Variants in EHBP1 observed in about 807,000 individuals in gnomAD.
EHBP1 encodes the protein EH domain-binding protein 1.
Under a neutral mutation model 144.0 loss-of-function variants are expected in EHBP1, and 55 were observed. That is an observed-to-expected ratio of 0.38 (90% CI 0.31 to 0.48). EHBP1 has a LOEUF of 0.48. EHBP1 is among the 20% of genes least tolerant of loss of function. The probability of loss-of-function intolerance (pLI) is 0.98; values close to 1 mark genes in which losing one functional copy is unlikely to be tolerated. For missense variants in EHBP1, 1,200 were observed against 1,364.2 expected, an observed-to-expected ratio of 0.88 and a Z score of 1.90; for synonymous variants, 469 against 472.7, an observed-to-expected ratio of 0.99 and a Z score of 0.10.
chr2:62,925,054 T>G (rs1397032658), intron 10 of EHBP1, among the ~76,000 whole-genome samples: 1 of 152,200 alleles, frequency 6.6e-6, no homozygotes, highest in Non-Finnish European at 1.5e-5. Flanking sequence ...AATGGTTCAG[T>G]ATACACAAGT....
At chr2:63,003,159 T>A (rs2153229612) in intron 19 of EHBP1, among the ~76,000 whole-genome samples, 1 of 152,174 alleles carries the variant, frequency 6.6e-6, no homozygotes, top group South Asian at 2.1e-4. Context: ...GTAGGTATTA[T>A]CAGATAATGA....
At chr2:62,975,976 G>C (rs1574318675) in intron 14 of EHBP1, among the ~76,000 whole-genome samples, 1 of 149,840 alleles carries the variant, frequency 6.7e-6, no homozygotes, top group African/African-American at 2.5e-5. Context: ...AGAATATTTT[G>C]TTACTCCAAA....
intron 1 of EHBP1, among the ~76,000 whole-genome samples, chr2:62,696,047 G>C (rs1004714345): frequency 1.3e-5 from 2 of 151,744 alleles, no homozygotes; most frequent in African/African-American, 2.4e-5. Flanking sequence ...AAAATACAAA[G>C]GAAATTAAAA....
At position 63,046,334 on chromosome 2, in the gene EHBP1, A is replaced by AAAG. The variant is rs2061953076; in HGVS notation, c.*835_*837dup. On this transcript the variant is annotated 3_prime_UTR_variant, in exon 23 of 23. Transcript: ENST00000431489. ...GTTAATATTTATTCTGTATTGATAAAAAGTCTGTCTTGCCACTACAAGTAA... is the reference window on the plus strand; with the variant it reads ...GTTAATATTTATTCTGTATTGATAAAAAGAAGTCTGTCTTGCCACTACAAGTAA... 1 of 152,664 alleles carries AAAG rather than the reference A, an allele frequency of 6.6e-6. No homozygotes were observed. The highest frequency in any genetic ancestry group is 1.5e-5 in the Non-Finnish European group (1 of 68,048). 9.5% of individuals were successfully genotyped at this position (152,664 alleles called of 1,614,324 possible).
At chr2:62,883,333 A>G (rs2051633883) in intron 10 of EHBP1, among the ~76,000 whole-genome samples, 1 of 152,198 alleles carries the variant, frequency 6.6e-6, no homozygotes, top group Admixed American at 6.5e-5. Flanking sequence ...CTATTTTTAC[A>G]TTATTTTGAA....
intron 7 of EHBP1, among the ~76,000 whole-genome samples, chr2:62,832,175 T>A (rs1161543401): frequency 6.6e-6 from 1 of 152,232 alleles, no homozygotes. Context: ...TTTTACCATG[T>A]GCTTTGTTTA....
chr2:62,747,181 A>G (rs1489470875), intron 2 of EHBP1, among the ~76,000 whole-genome samples: 2 of 152,050 alleles, frequency 1.3e-5, no homozygotes, highest in African/African-American at 2.4e-5. Flanking sequence ...TTAACTTGCT[A>G]AAGTATTGTT....
At chr2:62,956,746 T>C (rs1474046921) in intron 14 of EHBP1, among the ~76,000 whole-genome samples, 3 of 151,438 alleles carry the variant, frequency 2.0e-5, no homozygotes, top group Non-Finnish European at 4.4e-5. Context: ...AACCATCTTA[T>C]TAGGTTAATA....
At chr2:62,835,734 T>G (rs1371930105) in intron 7 of EHBP1, among the ~76,000 whole-genome samples, 2 of 152,140 alleles carry the variant, frequency 1.3e-5, no homozygotes, top group African/African-American at 2.4e-5. Context: ...GGGTGACGGA[T>G]GCACCTGGAA....
At chr2:62,787,076 T>A (rs1202422577) in intron 5 of EHBP1, among the ~76,000 whole-genome samples, 2 of 152,144 alleles carry the variant, frequency 1.3e-5, no homozygotes, top group African/African-American at 4.8e-5. Flanking sequence ...CAATAGGAAA[T>A]GAATCTGACA....
chr2:62,955,334 A>G (rs572407265), intron 13 of EHBP1, among the ~76,000 whole-genome samples, 183 bp from the exon 14 acceptor site: 2 of 152,304 alleles, frequency 1.3e-5, no homozygotes, highest in South Asian at 2.1e-4. Context: ...CCTCATGTCA[A>G]GATTTATATA....
At chr2:62,748,356 TTAAAAAA>T (rs2039350816) in intron 3 of EHBP1, among the ~76,000 whole-genome samples, 1 of 152,010 alleles carries the variant, frequency 6.6e-6, no homozygotes, top group Non-Finnish European at 1.5e-5. Flanking sequence ...CTACAGATAT[TTAAAAAA>T]TTCTATCCTG....
intron 1 of EHBP1, among the ~76,000 whole-genome samples, chr2:62,685,687 C>T (rs1205749656): frequency 1.3e-5 from 2 of 152,114 alleles, no homozygotes; most frequent in Non-Finnish European, 2.9e-5. Flanking sequence ...CACATCAGTC[C>T]ATAATATCTG....
intron 19 of EHBP1, among the ~76,000 whole-genome samples, chr2:63,036,597 A>C (rs955497779): frequency 6.6e-6 from 1 of 151,998 alleles, no homozygotes; most frequent in African/African-American, 2.4e-5. Context: ...CAAAACAATA[A>C]ACCAGTCATG....
intron 21 of EHBP1, among the ~76,000 whole-genome samples, chr2:63,040,150 A>G (rs2061598722): frequency 6.7e-6 from 1 of 150,098 alleles, no homozygotes; most frequent in Non-Finnish European, 1.5e-5. Context: ...TATTATATAT[A>G]TATGTATGTG....
At chr2:62,757,610 T>G (rs2040415666) in intron 3 of EHBP1, among the ~76,000 whole-genome samples, 1 of 151,702 alleles carries the variant, frequency 6.6e-6, no homozygotes, top group African/African-American at 2.4e-5. Flanking sequence ...ATTTTTGTGT[T>G]TTTAGTAGAG....
At chr2:62,987,401 T>A (rs555734042) in intron 15 of EHBP1, among the ~76,000 whole-genome samples, 3 of 152,322 alleles carry the variant, frequency 2.0e-5, no homozygotes, top group African/African-American at 7.2e-5. Context: ...GCATTGTATA[T>A]GCTAGTCTCA....
intron 3 of EHBP1, among the ~76,000 whole-genome samples, chr2:62,758,491 T>G (rs1233924072): frequency 6.6e-6 from 1 of 152,240 alleles, no homozygotes; most frequent in African/African-American, 2.4e-5. Context: ...CTTTAAGTCA[T>G]GGCTTTTATA....
chr2:62,859,342 GA>G, intron 8 of EHBP1, 51 bp downstream of exon 8: 1 of 1,518,874 alleles, frequency 6.6e-7, no homozygotes, highest in Non-Finnish European at 8.9e-7. Context: ...AAGTTGACTT[GA>G]ACTGTAAGGG....
Sources: gnomAD v4.1 joint callset for allele counts (sites outside exome capture counted in the v4.1 genomes callset) on GRCh38, gnomAD v4.1.1 for gene constraint, MANE v1.5 for transcripts, NCBI Gene and HGNC (gene_info 2026-07-23, HGNC 2026-07-21) for gene names.